LRP1B: variants seen among roughly 807,000 people sequenced by gnomAD.
LRP1B encodes the protein low-density lipoprotein receptor-related protein 1B.
A neutral mutation model predicts 556.6 loss-of-function variants in LRP1B; 217 were observed. The ratio of observed to expected loss-of-function variants is 0.39; its 90% CI spans 0.35 to 0.44. The LOEUF is 0.44. LRP1B is among the 20% of genes least tolerant of loss of function. LRP1B has a pLI of 1.00. For synonymous variants in LRP1B, 2,047 were observed against 1,865.8 expected (o/e 1.10, Z -2.50); for missense variants, 5,053 against 5,620.8 (o/e 0.90, Z 3.23).
chr2:141,468,641 A>G (rs776789373), intron 3 of LRP1B, among the ~76,000 whole-genome samples: 1 of 152,198 alleles, frequency 6.6e-6, no homozygotes, highest in Non-Finnish European at 1.5e-5. Flanking sequence ...CTAAAGTAAT[A>G]TTTAATTAAC....
rs145001690 is a variant in LRP1B, at chr2:141,522,746, A to T, written c.206-42213T>A. Among the ~76,000 whole-genome samples, 14 of 152,272 alleles carry T rather than the reference A, an allele frequency of 9.2e-5. No homozygotes were observed. The South Asian group carries it at 1.7e-3, about 18-fold the overall frequency. On this transcript the variant is annotated intron_variant, in intron 2 of 90. Transcript: ENST00000389484. ...AGGTAAAGCCAAGAATCAGGACTGA[A>T]TCAATGAAAAATTGCTTTTAAAAAA...
At chr2:141,150,645 A>T (rs1701898333) in intron 7 of LRP1B, among the ~76,000 whole-genome samples, 1 of 152,176 alleles carries the variant, frequency 6.6e-6, no homozygotes, top group Non-Finnish European at 1.5e-5. Flanking sequence ...TGTGAAAAAA[A>T]GTAATGAATT....
In LRP1B at chr2:140,803,260, G is replaced by GTTTTTT. The variant is rs11352164; in HGVS notation, c.5359+10391_5359+10396dup. Among the ~76,000 whole-genome samples the GTTTTTT allele has an allele frequency of 1.3e-3, 137 of 102,234 alleles. 17 individuals are homozygous for GTTTTTT. Among genetic ancestry groups the GTTTTTT allele is most frequent in the African/African-American group, 3.3e-3 (65 of 19,628 alleles). The allele number at this position is 102,234 out of a possible 152,430, so 67.1% of individuals were successfully genotyped here. A position where few individuals can be genotyped will look rare whatever the true frequency, so the allele number is the denominator to read the frequency against. On this transcript the variant is annotated intron_variant, in intron 32 of 90. Transcript: ENST00000389484. Reference sequence around the variant, plus strand: ...GTGGTCAGTATTAGTCCTATTGAAAGTTTTTTTTTTTTTTTTTTTTTTTTT... The same window carrying GTTTTTT: ...GTGGTCAGTATTAGTCCTATTGAAAGTTTTTTTTTTTTTTTTTTTTTTTTTTTTTTT...
intron 84 of LRP1B, among the ~76,000 whole-genome samples, chr2:140,290,534 G>T (rs1312789574): frequency 6.6e-6 from 1 of 152,052 alleles, no homozygotes. Context: ...TGAGGAAGGG[G>T]TTGGTTCTTA....
At chr2:140,312,921 T>A (rs1352852041) in intron 83 of LRP1B, among the ~76,000 whole-genome samples, 2 of 152,082 alleles carry the variant, frequency 1.3e-5, no homozygotes, top group East Asian at 3.9e-4. Context: ...TGTCATAAAC[T>A]TATAAATTAT....
At chr2:142,017,406 A>T (rs1462701873) in intron 1 of LRP1B, among the ~76,000 whole-genome samples, 1 of 152,186 alleles carries the variant, frequency 6.6e-6, no homozygotes, top group African/African-American at 2.4e-5. Context: ...TGATGTGGTG[A>T]TAAACTATTA....
At chr2:141,862,196 A>AAGGG (rs1698268835) in intron 1 of LRP1B, among the ~76,000 whole-genome samples, 1 of 152,174 alleles carries the variant, frequency 6.6e-6, no homozygotes, top group African/African-American at 2.4e-5. Context: ...TAGCTACTAT[A>AAGGG]ATATAAATTC....
intron 35 of LRP1B, among the ~76,000 whole-genome samples, chr2:140,722,396 G>A (rs1317714562): frequency 6.6e-6 from 1 of 152,002 alleles, no homozygotes; most frequent in Non-Finnish European, 1.5e-5. Context: ...TAGTAGATAG[G>A]GTTTATTTTA....
Position 141,678,576 on chromosome 2 carries a change from AAGT to A in LRP1B, c.205+131700_205+131702del, listed in dbSNP as rs570828007. Among the ~76,000 whole-genome samples the A allele has an allele frequency of 1.7e-3, 255 of 152,274 alleles. 1 individual carries two copies. The highest frequency in any genetic ancestry group is 5.9e-3 in the African/African-American group (246 of 41,566). Reference sequence around the variant, plus strand: ...ATGCGGATAGAAGAAATGGGAGAGAAAGTATATCAAATTCAAGTTGGCTGAAGA... The same window carrying A: ...ATGCGGATAGAAGAAATGGGAGAGAAATATCAAATTCAAGTTGGCTGAAGA... On this transcript the variant is annotated intron_variant, in intron 2 of 90. Coordinates refer to ENST00000389484, the MANE Select transcript of LRP1B (RefSeq NM_018557.3).
chr2:141,063,299 C>T (rs1263725869), intron 7 of LRP1B, among the ~76,000 whole-genome samples: 1 of 151,744 alleles, frequency 6.6e-6, no homozygotes. Context: ...CATTATCTAA[C>T]AGTATGGGGT....
chr2:141,037,258 A>G (rs1698560566), intron 11 of LRP1B, among the ~76,000 whole-genome samples: 1 of 152,090 alleles, frequency 6.6e-6, no homozygotes, highest in Admixed American at 6.6e-5. Flanking sequence ...AATTATAACA[A>G]AAACAAAACC....
chr2:141,649,624 G>A (rs1244975079), intron 2 of LRP1B, among the ~76,000 whole-genome samples: 1 of 152,166 alleles, frequency 6.6e-6, no homozygotes, highest in Non-Finnish European at 1.5e-5. Context: ...CTAGCTCAGT[G>A]GAACAGGCGT....
intron 3 of LRP1B, among the ~76,000 whole-genome samples, chr2:141,417,909 A>G (rs775260714): frequency 4.6e-5 from 7 of 152,034 alleles, no homozygotes; most frequent in Admixed American, 2.6e-4. Flanking sequence ...CATTTTATTG[A>G]CAATGGCCTT....
intron 71 of LRP1B, among the ~76,000 whole-genome samples, chr2:140,369,673 A>AC (rs1002387392): frequency 2.0e-5 from 3 of 151,950 alleles, no homozygotes; most frequent in Non-Finnish European, 2.9e-5. Context: ...TAAAAAAAAA[A>AC]AACTATTTTT....
At chr2:142,064,928 G>A (rs753676178) in intron 1 of LRP1B, among the ~76,000 whole-genome samples, 1 of 151,540 alleles carries the variant, frequency 6.6e-6, no homozygotes, top group Non-Finnish European at 1.5e-5. Flanking sequence ...GTACCTCCAT[G>A]TAACAATGAC....
chr2:142,107,376 C>T (rs1417990983), intron 1 of LRP1B, among the ~76,000 whole-genome samples: 1 of 152,076 alleles, frequency 6.6e-6, no homozygotes, highest in Admixed American at 6.6e-5. Flanking sequence ...GAGTGGGTTG[C>T]TGATAAAAGG....
At chr2:140,768,842 T>G (rs1689203874) in intron 35 of LRP1B, among the ~76,000 whole-genome samples, 1 of 151,950 alleles carries the variant, frequency 6.6e-6, no homozygotes, top group South Asian at 2.1e-4. Context: ...CCTGAATATA[T>G]TTTAAATAAA....
chr2:141,421,557 C>G, intron 3 of LRP1B, among the ~76,000 whole-genome samples: 1 of 151,648 alleles, frequency 6.6e-6, no homozygotes, highest in African/African-American at 2.4e-5. Context: ...TTACCTCTTT[C>G]ATATGTATTA....
At chr2:140,862,028 T>C (rs1052000014) in intron 27 of LRP1B, among the ~76,000 whole-genome samples, 2 of 152,330 alleles carry the variant, frequency 1.3e-5, no homozygotes, top group Non-Finnish European at 2.9e-5. Context: ...TCTGTAATAC[T>C]CTTAAGAAAT....
Sources: gnomAD v4.1 joint callset for allele counts (sites outside exome capture counted in the v4.1 genomes callset) on GRCh38, gnomAD v4.1.1 for gene constraint, MANE v1.5 for transcripts, NCBI Gene and HGNC (gene_info 2026-07-23, HGNC 2026-07-21) for gene names.